Variants in SLC8A1 observed in about 807,000 individuals in gnomAD.
SLC8A1 encodes solute carrier family 8 member A1.
In SLC8A1, 18 loss-of-function variants were observed where a neutral mutation model predicts 68.3. That is an observed-to-expected ratio of 0.26 (90% CI 0.18 to 0.39). The LOEUF (loss-of-function observed/expected upper bound fraction) is 0.39. Among genes scored for constraint, SLC8A1 ranks in the 10% least tolerant of loss-of-function variants. The pLI is 1.00. For missense variants in SLC8A1, 985 were observed against 1,156.7 expected, an observed-to-expected ratio of 0.85 and a Z score of 2.15; for synonymous variants, 475 against 415.5, an observed-to-expected ratio of 1.14 and a Z score of -1.74.
At chr2:40,311,459 G>A (rs1163828149) in intron 2 of SLC8A1, among the ~76,000 whole-genome samples, 2 of 151,834 alleles carry the variant, frequency 1.3e-5, no homozygotes, top group African/African-American at 4.8e-5. Flanking sequence ...AAAATCGAAG[G>A]CATTAATATG....
chr2:40,280,826 G>A (rs1443413492), intron 2 of SLC8A1, among the ~76,000 whole-genome samples: 1 of 152,184 alleles, frequency 6.6e-6, no homozygotes, highest in African/African-American at 2.4e-5. Flanking sequence ...AGGCAAAGGT[G>A]CTCTAGGCAG....
chr2:40,246,190 G>A (rs1163431007), intron 2 of SLC8A1, among the ~76,000 whole-genome samples: 1 of 152,160 alleles, frequency 6.6e-6, no homozygotes, highest in East Asian at 1.9e-4. Flanking sequence ...TTTTATAGTT[G>A]CACATCTTGG....
chr2:40,498,640 C>T (rs1559773362), intron 1 of SLC8A1, among the ~76,000 whole-genome samples: 1 of 152,046 alleles, frequency 6.6e-6, no homozygotes, highest in African/African-American at 2.4e-5. Context: ...AACAACTGTG[C>T]TCAAAAATTG....
chr2:40,158,180 T>C (rs2044950906), intron 6 of SLC8A1, among the ~76,000 whole-genome samples: 1 of 152,220 alleles, frequency 6.6e-6, no homozygotes, highest in African/African-American at 2.4e-5. Context: ...GTACTGACTC[T>C]CAACTATTTA....
chr2:40,312,292 A>G (rs1322336939), intron 2 of SLC8A1, among the ~76,000 whole-genome samples: 1 of 152,220 alleles, frequency 6.6e-6, no homozygotes, highest in East Asian at 1.9e-4. Context: ...GCTACAATAG[A>G]TCATGATTAT....
intron 2 of SLC8A1, among the ~76,000 whole-genome samples, chr2:40,376,806 G>A (rs1434208205): frequency 6.6e-6 from 1 of 152,038 alleles, no homozygotes; most frequent in Admixed American, 6.6e-5. Context: ...GAGGAGTAGG[G>A]CTTATAAAAT....
rs531723194 is a variant in SLC8A1, at chr2:40,268,822, C to A, written c.1809-90967G>T. On this transcript the variant is annotated intron_variant, in intron 2 of 7. Transcript: ENST00000406785. ...ACTTAAGGAAAAAAAGTTCCAATCA[C>A]AATAAAACACATAAAACAAATTATC... Among the ~76,000 whole-genome samples the A allele has an allele frequency of 1.7e-4, 26 of 152,174 alleles. 1 individual carries two copies. In the South Asian group the frequency reaches 5.2e-3, roughly 30 times the overall value.
At chr2:40,163,894 G>T (rs1448567859) in intron 5 of SLC8A1, among the ~76,000 whole-genome samples, 1 of 152,028 alleles carries the variant, frequency 6.6e-6, no homozygotes, top group Non-Finnish European at 1.5e-5. Context: ...AGGAAAAGAG[G>T]GGACTATTAT....
intron 1 of SLC8A1, among the ~76,000 whole-genome samples, chr2:40,510,016 C>G (rs1445761876): frequency 1.3e-5 from 2 of 151,976 alleles, no homozygotes; most frequent in Non-Finnish European, 2.9e-5. Context: ...TTAGTAGAGA[C>G]CGGGTTTCAC....
intron 2 of SLC8A1, among the ~76,000 whole-genome samples, chr2:40,200,078 TAAG>T (rs1043350460): frequency 7.0e-6 from 1 of 141,982 alleles, no homozygotes; most frequent in African/African-American, 2.6e-5. Flanking sequence ...GCACAAACTA[TAAG>T]AAGAGTTAAG....
chr2:40,165,747 G>A (rs998764323), intron 4 of SLC8A1, among the ~76,000 whole-genome samples: 3 of 152,156 alleles, frequency 2.0e-5, no homozygotes, highest in African/African-American at 4.8e-5. Context: ...GTCCAGGAGA[G>A]GACGGTGGGT....
chr2:40,413,297 G>GCA (rs1559578155), intron 2 of SLC8A1, among the ~76,000 whole-genome samples: 1 of 152,104 alleles, frequency 6.6e-6, no homozygotes, highest in African/African-American at 2.4e-5. Context: ...AAAGACACAT[G>GCA]CACACATATG....
chr2:40,429,912 G>C (rs1359484939), exon 2 of SLC8A1: 1 of 1,613,454 alleles, frequency 6.2e-7, no homozygotes, highest in South Asian at 1.1e-5. Flanking sequence ...CAGTTGTCTT[G>C]GTGGTCTCTC....
At position 40,115,093 on chromosome 2, in the gene SLC8A1, G is replaced by A. The variant is rs72558068; in HGVS notation, c.*160C>T. 1,994 of 433,880 alleles carry A rather than the reference G, an allele frequency of 4.6e-3. 7 individuals are homozygous for A. Among genetic ancestry groups the A allele is most frequent in the Non-Finnish European group, 5.7e-3 (1,529 of 267,528 alleles). The allele number at this position is 433,880 out of a possible 1,614,324, so 26.9% of individuals were successfully genotyped here. ...GATGATGCCCCTGGGAATGGGAGGT[G>A]ATGGTTTTTTACTTCGGCCCTAGTA... On this transcript the variant is annotated 3_prime_UTR_variant, in exon 8 of 8. Transcript: ENST00000406785.
intron 2 of SLC8A1, among the ~76,000 whole-genome samples, chr2:40,283,561 C>T (rs1229558996): frequency 1.3e-5 from 2 of 152,138 alleles, no homozygotes; most frequent in Non-Finnish European, 2.9e-5. Flanking sequence ...TTTGTGACAA[C>T]CCTTTCCAAA....
At chr2:40,378,751 CATGCTCCTGTTCCTGTTAAATTCCT>C (rs1167949446) in intron 2 of SLC8A1, among the ~76,000 whole-genome samples, 30 of 152,100 alleles carry the variant, frequency 2.0e-4, no homozygotes, top group African/African-American at 6.3e-4. Context: ...GTATCACACA[CATGCTCCTGTTCCTGTTAAATTCCT>C]ATTTTGGCCC....
chr2:40,378,850 C>T (rs12472064), intron 2 of SLC8A1, among the ~76,000 whole-genome samples: 17,164 of 152,102 alleles, frequency 0.11, 1,238 homozygotes, highest in East Asian at 0.19. Context: ...GAGCTCAATG[C>T]CACCTCCTAG....
Position 40,428,785 on chromosome 2 carries a change from T to G in SLC8A1, c.1496A>C (p.Lys499Thr), listed in dbSNP as rs761964397. Residue 499 changes from lysine to threonine, a missense_variant, in exon 2 of 8, where the codon AAA becomes ACA. Transcript: ENST00000406785. ...ATCTTCTGAAGCTTCAGAAGATACT[T>G]TGACATTGCTGAGATGCACAAGGAA... is the stretch of plus-strand genomic sequence containing the variant. The G allele has an allele frequency of 3.1e-6, 5 of 1,613,854 alleles. No individual in the cohort carries two copies. The African/African-American group carries it at 4.0e-5, about 13-fold the overall frequency.
intron 2 of SLC8A1, chr2:40,178,453 C>T (rs1175849115): frequency 3.1e-6 from 5 of 1,613,740 alleles, no homozygotes; most frequent in East Asian, 4.5e-5. Context: ...TTGTTTTTCT[C>T]ATACTCCTCA....
Sources: gnomAD v4.1 joint callset for allele counts (sites outside exome capture counted in the v4.1 genomes callset) on GRCh38, gnomAD v4.1.1 for gene constraint, MANE v1.5 for transcripts, NCBI Gene and HGNC (gene_info 2026-07-23, HGNC 2026-07-21) for gene names.